DNAAF19: variants seen among roughly 807,000 people sequenced by gnomAD.
DNAAF19 encodes the protein dynein axonemal assembly factor 19, also known as coiled-coil domain containing 103.
chr17:44,902,601 G>A, the DNAAF19 span: 19 of 1,614,194 alleles, frequency 1.2e-5, no homozygotes, highest in East Asian at 4.5e-5. Flanking sequence ...GCAGCCTGGC[G>A]AGCACTGGGC....
At chr17:44,900,959 C>T in the DNAAF19 span, 1 of 1,566,794 alleles carries the variant, frequency 6.4e-7, no homozygotes, top group East Asian at 2.4e-5. Flanking sequence ...TATTGACTGT[C>T]CACTGACATG....
chr17:44,899,919 A>G, the DNAAF19 span: 1 of 152,242 alleles, frequency 6.6e-6, no homozygotes, highest in African/African-American at 2.4e-5. Context: ...GATTTCGGTT[A>G]CTGGCCACCC....
the DNAAF19 span, chr17:44,903,179 C>T: frequency 6.3e-6 from 8 of 1,266,970 alleles, no homozygotes; most frequent in Admixed American, 1.5e-4. Context: ...AAAGCAAAAT[C>T]TTTATGGTAA....
the DNAAF19 span, chr17:44,904,791 G>A: frequency 6.4e-7 from 1 of 1,550,640 alleles, no homozygotes; most frequent in Non-Finnish European, 8.7e-7. Context: ...AGGTCCATGA[G>A]GGTGTTCATT....
At chr17:44,900,844 C>A in the DNAAF19 span, 2 of 701,922 alleles carry the variant, frequency 2.8e-6, no homozygotes, top group Non-Finnish European at 4.4e-6. Flanking sequence ...AAATAGAAAA[C>A]CAGATTTTTG....
chr17:44,900,969 G>C, the DNAAF19 span: 1 of 1,584,298 alleles, frequency 6.3e-7, no homozygotes, highest in Non-Finnish European at 8.5e-7. Context: ...CCACTGACAT[G>C]TATTCCCTTT....
At chr17:44,903,289 G>T in the DNAAF19 span, 1 of 1,246,446 alleles carries the variant, frequency 8.0e-7, no homozygotes, top group Non-Finnish European at 1.0e-6. Flanking sequence ...CATCATTTGA[G>T]GTGTTGAATT....
the DNAAF19 span, chr17:44,901,765 C>T: frequency 8.2e-7 from 1 of 1,221,064 alleles, no homozygotes; most frequent in South Asian, 1.6e-5. Context: ...CATACCTCTT[C>T]TTTATTTGTC....
At chr17:44,902,690 T>C in the DNAAF19 span, 1 of 1,614,044 alleles carries the variant, frequency 6.2e-7, no homozygotes, top group Admixed American at 1.7e-5. Flanking sequence ...CTGCAAGCCA[T>C]GGGCAACCCC....
the DNAAF19 span, chr17:44,903,729 C>T: frequency 6.2e-6 from 9 of 1,448,082 alleles, no homozygotes; most frequent in South Asian, 1.3e-4. Context: ...ATAATCCTTT[C>T]CTCATCTAGA....
At chr17:44,901,720 A>G in the DNAAF19 span, 83 of 1,559,076 alleles carry the variant, frequency 5.3e-5, no homozygotes, top group Middle Eastern at 2.1e-4. Context: ...CTGTTTTTTC[A>G]TTTTGTTTTG....
the DNAAF19 span, chr17:44,902,373 C>A: frequency 1.2e-6 from 2 of 1,614,082 alleles, no homozygotes; most frequent in African/African-American, 2.7e-5. Flanking sequence ...AGGAGAAAGC[C>A]CCCCTCCAGC....
the DNAAF19 span, among the ~76,000 whole-genome samples, chr17:44,900,684 C>T: frequency 2.6e-5 from 4 of 152,110 alleles, no homozygotes; most frequent in Non-Finnish European, 4.4e-5. Flanking sequence ...CCCAATGCCT[C>T]CTCGACTGAA....
the DNAAF19 span, chr17:44,902,289 A>G: frequency 6.3e-7 from 1 of 1,578,540 alleles, no homozygotes; most frequent in Non-Finnish European, 8.7e-7. Flanking sequence ...ATGAAGAGCT[A>G]CAGGCTCCCC....
At chr17:44,902,567 G>A in the DNAAF19 span, 10 of 1,614,082 alleles carry the variant, frequency 6.2e-6, no homozygotes, top group African/African-American at 6.7e-5. Flanking sequence ...CCGGCTGACC[G>A]GGCAGCGGTG....
the DNAAF19 span, chr17:44,905,175 A>T: frequency 3.2e-5 from 28 of 862,384 alleles, no homozygotes; most frequent in Non-Finnish European, 4.1e-5. Flanking sequence ...TGGTAGGAAC[A>T]TGTGGACAAA....
At chr17:44,901,479 A>G in the DNAAF19 span, 1 of 1,611,520 alleles carries the variant, frequency 6.2e-7, no homozygotes, top group Non-Finnish European at 8.5e-7. Context: ...CCACAGACAC[A>G]GCATTAAGTC....
the DNAAF19 span, chr17:44,902,390 C>T: frequency 1.1e-5 from 18 of 1,614,102 alleles, no homozygotes; most frequent in African/African-American, 9.3e-5. Context: ...CAGCCCGAGA[C>T]GTCTGCTGAC....
the DNAAF19 span, chr17:44,902,646 A>G: frequency 6.2e-7 from 1 of 1,613,130 alleles, no homozygotes; most frequent in Non-Finnish European, 8.5e-7. Flanking sequence ...TGAGCCGGGC[A>G]GAGAGAGAGA....
Sources: gnomAD v4.1 joint callset for allele counts (sites outside exome capture counted in the v4.1 genomes callset) on GRCh38, gnomAD v4.1.1 for gene constraint, MANE v1.5 for transcripts, NCBI Gene and HGNC (gene_info 2026-07-23, HGNC 2026-07-21) for gene names.